RIMS2: variants seen among roughly 807,000 people sequenced by gnomAD.
The protein encoded by RIMS2 is regulating synaptic membrane exocytosis protein 2.
RIMS2 carries 59 observed loss-of-function variants against 174.4 expected under a neutral mutation model. The observed-to-expected ratio is 0.34, with a 90% CI of 0.27 to 0.42. RIMS2 has a LOEUF of 0.42. RIMS2 is among the 10% of genes least tolerant of loss of function. The probability of loss-of-function intolerance (pLI) is 1.00; values close to 1 mark genes in which losing one functional copy is unlikely to be tolerated. For synonymous variants in RIMS2, 606 were observed against 572.5 expected (o/e 1.06, Z -0.84); for missense variants, 1,620 against 1,666.3 (o/e 0.97, Z 0.48).
chr8:103,551,770 A>G (rs191557340), intron 1 of RIMS2, among the ~76,000 whole-genome samples: 1 of 152,334 alleles, frequency 6.6e-6, no homozygotes, highest in Admixed American at 6.5e-5. Flanking sequence ...TACAAAAATC[A>G]ATGTGCAAAA....
intron 23 of RIMS2, 104 bp from the exon 30 acceptor site, chr8:104,251,498 G>A (rs2099359085): frequency 1.4e-6 from 1 of 711,806 alleles, no homozygotes; most frequent in Non-Finnish European, 2.5e-6. Context: ...GATCTTTGAT[G>A]TCAGAAAATT....
At chr8:104,195,115 T>A (rs1363531019) in intron 19 of RIMS2, among the ~76,000 whole-genome samples, 1 of 152,172 alleles carries the variant, frequency 6.6e-6, no homozygotes, top group Non-Finnish European at 1.5e-5. Flanking sequence ...AGTATTTAGA[T>A]TGAAGGTGGA....
intron 19 of RIMS2, among the ~76,000 whole-genome samples, chr8:104,029,090 G>A (rs2096324663): frequency 6.6e-6 from 1 of 152,166 alleles, no homozygotes; most frequent in African/African-American, 2.4e-5. Flanking sequence ...TCCTGACATT[G>A]CCATGCCATT....
chr8:103,662,998 G>A (rs555717405), intron 1 of RIMS2, among the ~76,000 whole-genome samples: 5 of 151,974 alleles, frequency 3.3e-5, no homozygotes, highest in South Asian at 2.1e-4. Context: ...GTGAAACCCC[G>A]TGTCTACTAA....
intron 19 of RIMS2, 73 bp downstream of exon 24, chr8:104,093,716 A>G (rs925884859): frequency 8.4e-7 from 1 of 1,190,580 alleles, no homozygotes; most frequent in East Asian, 2.5e-5. Context: ...ATGAACATAA[A>G]ATTATTTATT....
At chr8:104,188,311 T>C (rs1311810701) in intron 19 of RIMS2, among the ~76,000 whole-genome samples, 2 of 151,720 alleles carry the variant, frequency 1.3e-5, no homozygotes, top group Non-Finnish European at 2.9e-5. Context: ...AAGTTGATCT[T>C]TCTAATTTTT....
chr8:104,102,950 C>G (rs1172544014), intron 19 of RIMS2, among the ~76,000 whole-genome samples: 2 of 152,100 alleles, frequency 1.3e-5, no homozygotes, highest in African/African-American at 4.8e-5. Flanking sequence ...GTCAGTTTCT[C>G]TGAAGTAGTT....
chr8:104,093,618 C>T (rs55788818), intron 19 of RIMS2: 324,361 of 1,593,956 alleles, frequency 0.2, 34,713 homozygotes, highest in South Asian at 0.34. Context: ...CCAATCAGAA[C>T]GCCCAGGAGG....
At chr8:103,830,498 A>ACC (rs1332954808) in intron 3 of RIMS2, among the ~76,000 whole-genome samples, 3 of 152,138 alleles carry the variant, frequency 2.0e-5, no homozygotes. Context: ...CAATCAGTTT[A>ACC]AATTTATTAG....
chr8:104,079,598 GATATAT>G (rs5893676), intron 19 of RIMS2, among the ~76,000 whole-genome samples: 739 of 50,926 alleles, frequency 0.015, 9 homozygotes, highest in African/African-American at 0.021. Context: ...GATTAAGCAT[GATATAT>G]ATATATATAT....
At chr8:104,100,843 AT>A (rs2097860614) in intron 19 of RIMS2, among the ~76,000 whole-genome samples, 2 of 139,536 alleles carry the variant, frequency 1.4e-5, no homozygotes, top group Non-Finnish European at 3.0e-5. Flanking sequence ...TATAATATAT[AT>A]GTATTATATA....
intron 1 of RIMS2, among the ~76,000 whole-genome samples, chr8:103,643,172 G>A (rs2096263714): frequency 6.6e-6 from 1 of 151,176 alleles, no homozygotes; most frequent in African/African-American, 2.4e-5. Flanking sequence ...TTGTTTTTTT[G>A]GCCAAGTCTA....
chr8:104,063,572 T>C (rs2154560699), intron 19 of RIMS2, among the ~76,000 whole-genome samples: 1 of 152,324 alleles, frequency 6.6e-6, no homozygotes, highest in South Asian at 2.1e-4. Flanking sequence ...GAATTTGAAG[T>C]ACTAATCAAT....
intron 19 of RIMS2, among the ~76,000 whole-genome samples, chr8:104,168,959 G>A (rs2098814390): frequency 6.6e-6 from 1 of 151,798 alleles, no homozygotes; most frequent in Admixed American, 6.6e-5. Flanking sequence ...TTATTGACTT[G>A]TGTATGTTAA....
intron 2 of RIMS2, among the ~76,000 whole-genome samples, chr8:103,731,326 A>G (rs752105638): frequency 2.0e-5 from 3 of 152,164 alleles, no homozygotes; most frequent in South Asian, 4.1e-4. Flanking sequence ...GCTGCCAGAC[A>G]TATTGGAGCT....
intron 3 of RIMS2, among the ~76,000 whole-genome samples, chr8:103,809,803 T>A (rs2098675314): frequency 6.6e-6 from 1 of 152,056 alleles, no homozygotes; most frequent in South Asian, 2.1e-4. Context: ...TGTGGAGGCA[T>A]ATTTGAAATG....
chr8:103,835,577 G>C (rs2098878729), intron 3 of RIMS2, among the ~76,000 whole-genome samples: 1 of 152,122 alleles, frequency 6.6e-6, no homozygotes, highest in Non-Finnish European at 1.5e-5. Flanking sequence ...ACTTTGTCCA[G>C]GATTTATACT....
intron 19 of RIMS2, among the ~76,000 whole-genome samples, chr8:104,018,558 A>T (rs1462989408): frequency 6.6e-6 from 1 of 152,168 alleles, no homozygotes; most frequent in African/African-American, 2.4e-5. Flanking sequence ...TGACCAAGAC[A>T]TACACCTACC....
intron 19 of RIMS2, among the ~76,000 whole-genome samples, chr8:104,064,528 G>A (rs2097068230): frequency 6.6e-6 from 1 of 151,940 alleles, no homozygotes; most frequent in Admixed American, 6.6e-5. Flanking sequence ...ATGTCATTTA[G>A]TAGGAATGCT....
Sources: gnomAD v4.1 joint callset for allele counts (sites outside exome capture counted in the v4.1 genomes callset) on GRCh38, gnomAD v4.1.1 for gene constraint, MANE v1.5 for transcripts, NCBI Gene and HGNC (gene_info 2026-07-23, HGNC 2026-07-21) for gene names.